Variants in LRRC4C observed in about 807,000 individuals in gnomAD.
The protein encoded by LRRC4C is leucine rich repeat containing 4C, also known as leucine-rich repeat-containing protein 4C.
In LRRC4C, 5 loss-of-function variants were observed where a neutral mutation model predicts 33.6. That is an observed-to-expected ratio of 0.15 (90% CI 0.08 to 0.31). The LOEUF (loss-of-function observed/expected upper bound fraction) is 0.31, where lower values mean the gene tolerates loss of function less well. Among genes scored for constraint, LRRC4C ranks in the 10% least tolerant of loss-of-function variants. LRRC4C has a pLI of 1.00. For synonymous variants in LRRC4C, 329 were observed against 302.0 expected, an observed-to-expected ratio of 1.09 and a Z score of -0.93; for missense variants, 560 against 796.7, an observed-to-expected ratio of 0.70 and a Z score of 3.58.
In LRRC4C at chr11:40,787,938, A is replaced by T. The variant is rs146518714; in HGVS notation, c.-406-139660T>A. 4.1e-3 allele frequency among the ~76,000 whole-genome samples: 625 copies of T among 152,284 alleles called. 3 individuals are homozygous for T. Among genetic ancestry groups the T allele is most frequent in the Non-Finnish European group, 7.0e-3 (477 of 68,010 alleles). On this transcript the variant is annotated intron_variant, in intron 2 of 6. Transcript: ENST00000528697. ...CTTCCCATGGAGAAAAAAGGTTGGTATTCTTATTGTTGTTCTTGTTATTAC... is the reference window on the plus strand; with the variant it reads ...CTTCCCATGGAGAAAAAAGGTTGGTTTTCTTATTGTTGTTCTTGTTATTAC...
intron 2 of LRRC4C, among the ~76,000 whole-genome samples, chr11:40,866,334 T>G (rs540466095): frequency 3.9e-5 from 6 of 152,222 alleles, no homozygotes; most frequent in Non-Finnish European, 7.4e-5. Flanking sequence ...AAGTATAAAA[T>G]GTCAAATCTA....
chr11:40,597,626 C>T (rs865924708), intron 3 of LRRC4C, among the ~76,000 whole-genome samples: 1 of 138,150 alleles, frequency 7.2e-6, no homozygotes, highest in Non-Finnish European at 1.6e-5. Flanking sequence ...AATCCACTGC[C>T]CAGGTTCAAT....
intron 2 of LRRC4C, among the ~76,000 whole-genome samples, chr11:40,924,094 G>A (rs1470397421): frequency 2.2e-5 from 3 of 135,770 alleles, no homozygotes; most frequent in Non-Finnish European, 4.9e-5. Context: ...ATATGTGTGT[G>A]TGTGTATGTG....
intron 3 of LRRC4C, among the ~76,000 whole-genome samples, chr11:40,384,137 T>G (rs1949010714): frequency 6.6e-6 from 1 of 151,962 alleles, no homozygotes; most frequent in Non-Finnish European, 1.5e-5. Context: ...TTTTGTTGCA[T>G]GTTTTTTGGT....
intron 2 of LRRC4C, among the ~76,000 whole-genome samples, chr11:40,855,096 C>CA: frequency 6.6e-6 from 1 of 152,166 alleles, no homozygotes; most frequent in South Asian, 2.1e-4. Context: ...ACCCATAATC[C>CA]AAAATGTCTG....
intron 3 of LRRC4C, among the ~76,000 whole-genome samples, chr11:40,551,396 C>A (rs1226779294): frequency 3.3e-5 from 5 of 152,108 alleles, no homozygotes; most frequent in African/African-American, 1.2e-4. Flanking sequence ...TATTAAGCTC[C>A]TTTTATGTCT....
At chr11:40,151,334 C>A (rs1858189728) in intron 5 of LRRC4C, among the ~76,000 whole-genome samples, 1 of 152,124 alleles carries the variant, frequency 6.6e-6, no homozygotes, top group African/African-American at 2.4e-5. Flanking sequence ...TTTGAAAACA[C>A]AAGTAACAAA....
intron 3 of LRRC4C, among the ~76,000 whole-genome samples, chr11:40,430,165 A>G (rs1436148154): frequency 6.7e-6 from 1 of 149,730 alleles, no homozygotes. Context: ...TTCCAGAAAG[A>G]TTTTTCTCAG....
chr11:40,696,343 G>GTA (rs889043451), intron 2 of LRRC4C, among the ~76,000 whole-genome samples: 13 of 114,288 alleles, frequency 1.1e-4, no homozygotes, highest in Non-Finnish European at 1.6e-4. Context: ...TATATATGGT[G>GTA]TATATATATG....
intron 3 of LRRC4C, 158 bp from the exon 4 acceptor site, chr11:40,319,879 A>G (rs1478198719): frequency 1.3e-5 from 2 of 152,180 alleles, no homozygotes; most frequent in African/African-American, 2.4e-5. Flanking sequence ...TACATAACTA[A>G]CAAATCAAGA....
chr11:40,150,465 C>A (rs1412688162), intron 5 of LRRC4C, among the ~76,000 whole-genome samples: 2 of 152,182 alleles, frequency 1.3e-5, no homozygotes, highest in African/African-American at 4.8e-5. Flanking sequence ...AGACTTGTTT[C>A]TTTAAAAGAG....
chr11:40,888,450 A>T lies in LRRC4C; in HGVS notation c.-407+45185T>A, dbSNP rs907149293. Among the ~76,000 whole-genome samples the T allele has an allele frequency of 2.0e-5, 3 of 152,018 alleles. No homozygotes were observed. In the South Asian group the frequency reaches 6.2e-4, roughly 32 times the overall value. Reference sequence around the variant, plus strand: ...GTTCGAAGATTACCCATGAAAATATATTTTTCCACACTTGCGTTTAATATA... The same window carrying T: ...GTTCGAAGATTACCCATGAAAATATTTTTTTCCACACTTGCGTTTAATATA... On this transcript the variant is annotated intron_variant, in intron 2 of 6. Transcript: ENST00000528697.
intron 5 of LRRC4C, among the ~76,000 whole-genome samples, chr11:40,144,480 A>T (rs545907375): frequency 6.6e-6 from 1 of 152,324 alleles, no homozygotes; most frequent in South Asian, 2.1e-4. Flanking sequence ...GGGAAAATAT[A>T]AAACAAGGTG....
At chr11:40,773,796 T>C (rs1949863957) in intron 2 of LRRC4C, among the ~76,000 whole-genome samples, 1 of 152,082 alleles carries the variant, frequency 6.6e-6, no homozygotes, top group Non-Finnish European at 1.5e-5. Flanking sequence ...AATATATGTT[T>C]ATAACTGTAC....
intron 3 of LRRC4C, among the ~76,000 whole-genome samples, chr11:40,519,966 C>A (rs774717931): frequency 1.1e-4 from 17 of 152,260 alleles, no homozygotes; most frequent in Middle Eastern, 3.4e-3. Context: ...GAAATGCCAT[C>A]TAGGACTTTC....
chr11:40,476,537 G>T (rs1039776003), intron 3 of LRRC4C, among the ~76,000 whole-genome samples: 1 of 151,644 alleles, frequency 6.6e-6, no homozygotes, highest in East Asian at 1.9e-4. Context: ...CTAGAGACAG[G>T]TTTTCACTAT....
intron 4 of LRRC4C, among the ~76,000 whole-genome samples, chr11:40,243,034 A>G (rs561651630): frequency 6.6e-6 from 1 of 152,310 alleles, no homozygotes; most frequent in East Asian, 1.9e-4. Flanking sequence ...TTCTGCAACC[A>G]AATAACTGTA....
At chr11:40,361,323 G>A (rs1471482946) in intron 3 of LRRC4C, among the ~76,000 whole-genome samples, 1 of 151,962 alleles carries the variant, frequency 6.6e-6, no homozygotes, top group Non-Finnish European at 1.5e-5. Context: ...CATTGTCTCA[G>A]CCCAAAAGCT....
intron 3 of LRRC4C, among the ~76,000 whole-genome samples, chr11:40,516,930 G>A (rs920893194): frequency 1.3e-5 from 2 of 152,132 alleles, no homozygotes; most frequent in African/African-American, 4.8e-5. Flanking sequence ...ACACTGCACA[G>A]AGCATTGTAC....
Sources: gnomAD v4.1 joint callset for allele counts (sites outside exome capture counted in the v4.1 genomes callset) on GRCh38, gnomAD v4.1.1 for gene constraint, MANE v1.5 for transcripts, NCBI Gene and HGNC (gene_info 2026-07-23, HGNC 2026-07-21) for gene names.